Variants in ASTN1 observed in about 807,000 individuals in gnomAD.
The protein encoded by ASTN1 is astrotactin-1.
In ASTN1, 41 loss-of-function variants were observed where a neutral mutation model predicts 140.7. The observed-to-expected ratio is 0.29, with a 90% CI of 0.23 to 0.38. The LOEUF is 0.38. Among genes scored for constraint, ASTN1 ranks in the 10% least tolerant of loss-of-function variants. The pLI is 1.00. For missense variants in ASTN1, 1,479 were observed against 1,678.8 expected, an observed-to-expected ratio of 0.88 and a Z score of 2.08; for synonymous variants, 640 against 652.2, an observed-to-expected ratio of 0.98 and a Z score of 0.29.
intron 16 of ASTN1, among the ~76,000 whole-genome samples, chr1:176,898,494 T>C (rs1669624002): frequency 1.3e-5 from 2 of 152,206 alleles, no homozygotes; most frequent in Admixed American, 6.5e-5. Context: ...CAGTTAAAGA[T>C]ACAATTGGGA....
chr1:177,029,307 T>A (rs958762597), intron 5 of ASTN1: 1 of 530,172 alleles, frequency 1.9e-6, no homozygotes, highest in Non-Finnish European at 3.8e-6. Flanking sequence ...ACACACTTTA[T>A]TAACTTTGTT....
intron 16 of ASTN1, among the ~76,000 whole-genome samples, chr1:176,922,086 C>T (rs561160456): frequency 1.3e-5 from 2 of 152,218 alleles, no homozygotes; most frequent in South Asian, 4.2e-4. Context: ...CAATTGTTGA[C>T]CCCCTTATGC....
chr1:177,060,172 C>A (rs1678015058), intron 2 of ASTN1, among the ~76,000 whole-genome samples: 1 of 152,202 alleles, frequency 6.6e-6, no homozygotes, highest in South Asian at 2.1e-4. Flanking sequence ...ACTTACTTTC[C>A]AGTGAGATTC....
chr1:176,991,413 CAAAAAAAAAAAAAAAAAAAAACCAAAA>C (rs371208644), intron 8 of ASTN1, among the ~76,000 whole-genome samples: 77 of 109,500 alleles, frequency 7.0e-4, no homozygotes, highest in East Asian at 1.2e-3. Context: ...AACTCTGTCT[CAAAAAAAAAAAAAAAAAAAAACCAAAA>C]AAAAAAAAAA....
chr1:176,879,205 C>T (rs987295853), intron 20 of ASTN1, among the ~76,000 whole-genome samples: 1 of 152,170 alleles, frequency 6.6e-6, no homozygotes. Context: ...TGTCTGAGTC[C>T]GTAAGTCTAG....
intron 10 of ASTN1, 79 bp downstream of exon 10, chr1:176,958,266 C>T: frequency 6.3e-7 from 1 of 1,598,314 alleles, no homozygotes; most frequent in Non-Finnish European, 8.5e-7. Context: ...ACTCCTTCCC[C>T]AGCACCTAAA....
At chr1:177,104,807 T>G (rs1680475033) in intron 1 of ASTN1, among the ~76,000 whole-genome samples, 1 of 152,228 alleles carries the variant, frequency 6.6e-6, no homozygotes, top group Non-Finnish European at 1.5e-5. Flanking sequence ...CCGTTCCTCC[T>G]TCTTCTATCA....
At chr1:176,906,467 C>T (rs6703638) in intron 16 of ASTN1, among the ~76,000 whole-genome samples, 4 of 151,918 alleles carry the variant, frequency 2.6e-5, no homozygotes, top group African/African-American at 7.3e-5. Context: ...GTTTGCAAGG[C>T]GTGGGGCAGA....
At chr1:177,067,360 AC>A (rs1678414657) in intron 1 of ASTN1, among the ~76,000 whole-genome samples, 1 of 152,180 alleles carries the variant, frequency 6.6e-6, no homozygotes, top group African/African-American at 2.4e-5. Flanking sequence ...TGAGCTCCGG[AC>A]TTTAGTAGTG....
At chr1:177,023,713 C>G in intron 6 of ASTN1, 142 bp from the exon 7 acceptor site, 4 of 996,160 alleles carry the variant, frequency 4.0e-6, no homozygotes, top group Non-Finnish European at 4.2e-6. Context: ...CATCATTAGC[C>G]CCAGAGCAAG....
At chr1:176,990,031 C>T (rs186451610) in intron 8 of ASTN1, among the ~76,000 whole-genome samples, 5 of 152,036 alleles carry the variant, frequency 3.3e-5, no homozygotes, top group African/African-American at 1.2e-4. Flanking sequence ...TCTTGGACTG[C>T]CTGTCTTTTC....
chr1:177,011,599 C>T (rs1207318016), intron 8 of ASTN1, among the ~76,000 whole-genome samples: 5 of 150,734 alleles, frequency 3.3e-5, no homozygotes, highest in African/African-American at 9.8e-5. Context: ...ACATACCATA[C>T]AATCACACAT....
intron 2 of ASTN1, among the ~76,000 whole-genome samples, chr1:177,050,239 G>A (rs1677471237): frequency 6.6e-6 from 1 of 152,148 alleles, no homozygotes; most frequent in Admixed American, 6.5e-5. Context: ...TCTGATGATT[G>A]ATATCCCATA....
intron 7 of ASTN1, among the ~76,000 whole-genome samples, chr1:177,015,144 T>C (rs952155106): frequency 6.6e-6 from 1 of 152,226 alleles, no homozygotes; most frequent in African/African-American, 2.4e-5. Context: ...ATATGTTCTG[T>C]AAGCACAAAG....
intron 7 of ASTN1, among the ~76,000 whole-genome samples, chr1:177,021,880 G>A (rs961580238): frequency 6.6e-6 from 1 of 152,190 alleles, no homozygotes; most frequent in Non-Finnish European, 1.5e-5. Context: ...CCACCTCTGA[G>A]ATTAGCTCTT....
At chr1:176,944,071 T>C (rs564267134) in intron 13 of ASTN1, 53 bp from the exon 14 acceptor site, 15 of 1,575,884 alleles carry the variant, frequency 9.5e-6, no homozygotes, top group Non-Finnish European at 1.0e-5. Flanking sequence ...CCTGACTCCT[T>C]ACTGAGCATT....
intron 8 of ASTN1, among the ~76,000 whole-genome samples, chr1:177,008,880 T>C (rs1675144428): frequency 1.3e-5 from 2 of 151,980 alleles, no homozygotes; most frequent in African/African-American, 4.8e-5. Context: ...GAAACAGCCA[T>C]AGTCTGGCCA....
At chr1:177,024,877 C>T in intron 5 of ASTN1, 145 bp from the exon 6 acceptor site, 2 of 877,076 alleles carry the variant, frequency 2.3e-6, no homozygotes, top group African/African-American at 3.4e-5. Context: ...GGCTGCATGA[C>T]CTCAGTGACC....
intron 16 of ASTN1, among the ~76,000 whole-genome samples, chr1:176,912,232 G>T (rs759060914): frequency 3.9e-5 from 6 of 152,186 alleles, no homozygotes; most frequent in Non-Finnish European, 5.9e-5. Flanking sequence ...TAAAGAATCA[G>T]ATAGGAAATA....
Sources: gnomAD v4.1 joint callset for allele counts (sites outside exome capture counted in the v4.1 genomes callset) on GRCh38, gnomAD v4.1.1 for gene constraint, MANE v1.5 for transcripts, NCBI Gene and HGNC (gene_info 2026-07-23, HGNC 2026-07-21) for gene names.